The following DOT1L variants were observed in gnomAD, a reference collection of about 807,000 sequenced individuals.
The protein encoded by DOT1L is histone-lysine N-methyltransferase, H3 lysine-79 specific.
In DOT1L, 33 loss-of-function variants were observed where a neutral mutation model predicts 153.3. That is an observed-to-expected ratio of 0.22 (90% CI 0.16 to 0.29). The LOEUF (loss-of-function observed/expected upper bound fraction) is 0.29. Ranked by LOEUF, DOT1L falls within the 10% of genes least tolerant of loss-of-function variation. DOT1L has a pLI of 1.00. For synonymous variants in DOT1L, 1,135 were observed against 965.1 expected (o/e 1.18, Z -3.26); for missense variants, 1,847 against 2,119.9 (o/e 0.87, Z 2.53).
rs2023533179 is a variant in DOT1L, at chr19:2,207,228, T to A, written c.857-346T>A. Among the ~76,000 whole-genome samples, 2 of 152,336 alleles carry A rather than the reference T, an allele frequency of 1.3e-5. No individual in the cohort carries two copies. On this transcript the variant is annotated intron_variant, in intron 10 of 27. Transcript: ENST00000398665. The surrounding 1 kb of genome is among the most constrained non-coding windows in gnomAD (Gnocchi z 4.5). Reference sequence around the variant, plus strand: ...GGCAGCACGGCCTCCTCTGAGGGGCTTCCCTGAGGAGCGCCCACCCGGGAG... The same window carrying A: ...GGCAGCACGGCCTCCTCTGAGGGGCATCCCTGAGGAGCGCCCACCCGGGAG...
At chr19:2,223,979 C>T (rs2024227659) in intron 25 of DOT1L, among the ~76,000 whole-genome samples, 1 of 152,176 alleles carries the variant, frequency 6.6e-6, no homozygotes, top group South Asian at 2.1e-4. Flanking sequence ...TCCCCTTCTC[C>T]TCCCAAGAGC....
Position 2,190,285 on chromosome 19 carries a change from C to T in DOT1L, c.264+490C>T, listed in dbSNP as rs1231124047. ...GGGCACACAGTGAGCTGGGGTGTAG[C>T]AGGGAGGGGAACGTGCTGCTTCCCA... On this transcript the variant is annotated intron_variant, in intron 4 of 27. Transcript: ENST00000398665. The surrounding 1 kb of genome is among the most constrained non-coding windows in gnomAD (Gnocchi z 4.8). Among the ~76,000 whole-genome samples, 1 of 152,138 alleles carries T rather than the reference C, an allele frequency of 6.6e-6. No homozygotes were observed. The highest frequency in any genetic ancestry group is 1.5e-5 in the Non-Finnish European group (1 of 68,006).
rs1182288844 is a variant in DOT1L at position 2,227,139 on chromosome 19, G to A, written c.4606+12G>A. 3.9e-6 allele frequency: 6 copies of A among 1,555,150 alleles called. No individual in the cohort carries two copies. The highest frequency in any genetic ancestry group is 1.9e-5 in the Admixed American group (1 of 52,392). ...CGGCACAGTTGGAGGTAGGCAGGGC[G>A]GCCGTCCGTCCGCCCCCCGCCCCGG... On this transcript the variant is annotated intron_variant, in intron 27 of 27. Transcript: ENST00000398665.
Position 2,216,620 on chromosome 19 carries a change from G to A in DOT1L, c.2263G>A (p.Val755Ile), listed in dbSNP as rs557983259. Residue 755 changes from valine to isoleucine, a missense_variant, in exon 20 of 28, where the codon GTC becomes ATC. This residue lies in a region of DOT1L where 281 missense variants were observed against 263.6 expected (regional missense o/e 1.07). Coordinates refer to ENST00000398665, the MANE Select transcript of DOT1L (RefSeq NM_032482.3). Reference protein sequence around the residue: ...QEVVPCTPSHVGRPRLEKLSG... With the variant: ...QEVVPCTPSHIGRPRLEKLSG... ...GGTGGTGCCCTGTACCCCTAGCCAC[G>A]TCGGCCGGCCGCGCCTGGAGAAGCT... 1.4e-5 allele frequency: 23 copies of A among 1,606,412 alleles called. No individual in the cohort carries two copies. Among genetic ancestry groups the A allele is most frequent in the East Asian group, 1.1e-4 (5 of 44,872 alleles).
rs1007307328 is a variant in DOT1L at position 2,199,877 on chromosome 19, C to G, written c.652-7C>G. ...GGGTCCGCGCTCACACCTGTTTTCCCTTTCAGTTGGAGAGAGGCGATTTCC... is the reference window on the plus strand; with the variant it reads ...GGGTCCGCGCTCACACCTGTTTTCCGTTTCAGTTGGAGAGAGGCGATTTCC... On this transcript the variant is annotated splice_region_variant and splice_polypyrimidine_tract_variant and intron_variant, in intron 7 of 27. Coordinates refer to ENST00000398665, the MANE Select transcript of DOT1L (RefSeq NM_032482.3). The G allele has an allele frequency of 6.2e-7, 1 of 1,613,784 alleles. No individual in the cohort carries two copies. Among genetic ancestry groups the G allele is most frequent in the South Asian group, 1.1e-5 (1 of 91,070 alleles).
intron 3 of DOT1L, among the ~76,000 whole-genome samples, chr19:2,187,136 C>T (rs549283018): frequency 6.6e-6 from 1 of 152,214 alleles, no homozygotes; most frequent in Admixed American, 6.5e-5. Context: ...AGGAGCCCCC[C>T]ACAAGTCGCT....
At chr19:2,224,822 C>T (rs2024264644) in intron 25 of DOT1L, among the ~76,000 whole-genome samples, 1 of 152,232 alleles carries the variant, frequency 6.6e-6, no homozygotes, top group African/African-American at 2.4e-5. Flanking sequence ...GCACGTGTTA[C>T]ACGAGAAACA....
At chr19:2,169,613 C>A (rs765439837) in intron 1 of DOT1L, among the ~76,000 whole-genome samples, 1 of 152,088 alleles carries the variant, frequency 6.6e-6, no homozygotes, top group Non-Finnish European at 1.5e-5. Context: ...CCTGCCTCAG[C>A]CTCCCGAGTA....
At chr19:2,181,922 G>A (rs915468602) in intron 2 of DOT1L, among the ~76,000 whole-genome samples, 6 of 152,176 alleles carry the variant, frequency 3.9e-5, no homozygotes, top group African/African-American at 1.4e-4. Context: ...GGGCCGGGCA[G>A]TCTTTTTAAG....
chr19:2,209,424 G>A (rs1024093369), intron 12 of DOT1L, among the ~76,000 whole-genome samples: 1 of 152,222 alleles, frequency 6.6e-6, no homozygotes. Flanking sequence ...CTGAAGGGCT[G>A]GGTGGGTGAA....
chr19:2,218,702 T>G (rs982817765), intron 22 of DOT1L, among the ~76,000 whole-genome samples: 12 of 150,676 alleles, frequency 8.0e-5, no homozygotes, highest in Non-Finnish European at 1.5e-4. Flanking sequence ...CTCTTTCTTT[T>G]TTTTTATTTT....
chr19:2,208,887 C>G lies in DOT1L; in HGVS notation c.964-48C>G. 3.8e-6 allele frequency: 6 copies of G among 1,594,038 alleles called. No individual in the cohort carries two copies. The highest frequency in any genetic ancestry group is 4.3e-6 in the Non-Finnish European group (5 of 1,167,740). On this transcript the variant is annotated intron_variant, in intron 11 of 27. Transcript: ENST00000398665. The surrounding 1 kb of genome is among the most constrained non-coding windows in gnomAD (Gnocchi z 4.4). ...ACCTGGGTGTCCAGACAAATCCGAA[C>G]AGAGATTGGGACTCCCTTCTAATCA...
At chr19:2,174,801 A>T (rs1206101798) in intron 1 of DOT1L, among the ~76,000 whole-genome samples, 3 of 151,110 alleles carry the variant, frequency 2.0e-5, no homozygotes, top group South Asian at 4.2e-4. Flanking sequence ...AAAAAAAAAA[A>T]GCAAAAACTT....
intron 1 of DOT1L, among the ~76,000 whole-genome samples, chr19:2,176,440 T>C (rs993408766): frequency 1.3e-5 from 2 of 152,226 alleles, no homozygotes; most frequent in African/African-American, 4.8e-5. Flanking sequence ...CTACTGCTTC[T>C]GCGGGGCACT....
chr19:2,211,619 TCTG>T, intron 15 of DOT1L, 129 bp from the exon 16 acceptor site: 2 of 750,944 alleles, frequency 2.7e-6, no homozygotes, highest in Non-Finnish European at 4.3e-6. Context: ...CCCGCCAGGC[TCTG>T]CTGAGCTCCT....
At chr19:2,228,456 CAG>C in intron 27 of DOT1L, 1 of 1,217,958 alleles carries the variant, frequency 8.2e-7, no homozygotes, top group Non-Finnish European at 1.0e-6. Context: ...AAGACGGCCA[CAG>C]GGCTCGGCAG....
chr19:2,215,296 C>A (rs113158119), intron 19 of DOT1L, among the ~76,000 whole-genome samples: 1 of 152,166 alleles, frequency 6.6e-6, no homozygotes, highest in Non-Finnish European at 1.5e-5. Flanking sequence ...TTTCTGACAC[C>A]GAGAAACGCA....
At chr19:2,194,416 C>T in intron 6 of DOT1L, 99 bp from the exon 7 acceptor site, 1 of 1,333,156 alleles carries the variant, frequency 7.5e-7, no homozygotes, top group Admixed American at 1.7e-5. Flanking sequence ...CATGATCCGC[C>T]CTCCTCAGCC....
intron 2 of DOT1L, among the ~76,000 whole-genome samples, chr19:2,182,909 C>CTTAAGA (rs2144706562): frequency 6.6e-6 from 1 of 152,222 alleles, no homozygotes; most frequent in South Asian, 2.1e-4. Flanking sequence ...GGAGCTTAAG[C>CTTAAGA]GTTGTAGGGA....
Sources: gnomAD v4.1 joint callset for allele counts (sites outside exome capture counted in the v4.1 genomes callset) on GRCh38, gnomAD v4.1.1 for gene constraint, gnomAD v4.1.1 regional missense constraint, Gnocchi (gnomAD v3.1) non-coding constraint, MANE v1.5 for transcripts, NCBI Gene and HGNC (gene_info 2026-07-23, HGNC 2026-07-21) for gene names.